BMP2K: variants seen among roughly 807,000 people sequenced by gnomAD.
BMP2K encodes the protein BMP2 inducible kinase, also known as BMP-2-inducible protein kinase.
Under a neutral mutation model 116.0 loss-of-function variants are expected in BMP2K, and 74 were observed. The ratio of observed to expected loss-of-function variants is 0.64; its 90% CI spans 0.53 to 0.77. The LOEUF is 0.77. Ranked by LOEUF, BMP2K falls within the 30% of genes least tolerant of loss-of-function variation. The probability of loss-of-function intolerance (pLI) is 0.00; values close to 1 mark genes in which losing one functional copy is unlikely to be tolerated. For missense variants in BMP2K, 1,365 were observed against 1,403.6 expected (o/e 0.97, Z 0.44); for synonymous variants, 486 against 502.5 (o/e 0.97, Z 0.44).
At chr4:78,820,246 T>C (rs1182683946) in intron 1 of BMP2K, among the ~76,000 whole-genome samples, 1 of 152,236 alleles carries the variant, frequency 6.6e-6, no homozygotes, top group Non-Finnish European at 1.5e-5. Context: ...TACACATTCA[T>C]CTATTGCTAT....
At chr4:78,867,112 C>T (rs921079856) in intron 10 of BMP2K, among the ~76,000 whole-genome samples, 2 of 149,404 alleles carry the variant, frequency 1.3e-5, no homozygotes, top group African/African-American at 5.0e-5. Context: ...ATGGAGATTG[C>T]AGTGAGCCAA....
intron 1 of BMP2K, among the ~76,000 whole-genome samples, chr4:78,802,568 G>A (rs545098998): frequency 3.9e-4 from 60 of 152,180 alleles, no homozygotes; most frequent in Admixed American, 3.1e-3. Flanking sequence ...TTAAGACCTG[G>A]AATGTTTATC....
Position 78,913,760 on chromosome 4 carries a change from C to A in BMP2K, c.*1727C>A, listed in dbSNP as rs1196121723. On this transcript the variant is annotated 3_prime_UTR_variant, in exon 16 of 16. Coordinates refer to ENST00000502613, the MANE Select transcript of BMP2K (RefSeq NM_198892.2). ...ATTGCTTTTTCCCTTCTTTTATATG[C>A]TAAATCAAATATAGATTTGTGGATA... The A allele has an allele frequency of 6.6e-6, 1 of 151,972 alleles. No homozygotes were observed. The highest frequency in any genetic ancestry group is 1.5e-5 in the Non-Finnish European group (1 of 67,968). 9.4% of individuals were successfully genotyped at this position (151,972 alleles called of 1,614,324 possible).
intron 4 of BMP2K, among the ~76,000 whole-genome samples, chr4:78,842,878 C>T (rs920052034): frequency 5.3e-5 from 8 of 151,994 alleles, no homozygotes; most frequent in Non-Finnish European, 1.2e-4. Context: ...AGCATTTCTC[C>T]TATTAACTGT....
intron 1 of BMP2K, among the ~76,000 whole-genome samples, chr4:78,823,548 A>G (rs1171845872): frequency 6.8e-6 from 1 of 147,632 alleles, no homozygotes; most frequent in Non-Finnish European, 1.5e-5. Context: ...TTATATATAT[A>G]GTTATATATA....
intron 3 of BMP2K, among the ~76,000 whole-genome samples, chr4:78,838,488 T>C (rs1730602432): frequency 6.6e-6 from 1 of 152,210 alleles, no homozygotes; most frequent in Admixed American, 6.5e-5. Context: ...ATTTTCTCAA[T>C]GGAGTATGCA....
chr4:78,871,752 A>C, intron 11 of BMP2K, 98 bp from the exon 12 acceptor site: 1 of 689,108 alleles, frequency 1.5e-6, no homozygotes, highest in Non-Finnish European at 2.5e-6. Flanking sequence ...TGTTTGGACT[A>C]CTGATTTCTC....
In BMP2K at chr4:78,911,130, C is replaced by T; in HGVS notation, c.2583C>T (p.Val861=). The change falls in exon 16 of 16, where the codon GTC becomes GTT. Residue 861 remains valine (V), a synonymous_variant. Transcript: ENST00000502613. ...AGGAGTTTGATGTATTTGGCGCTGTCCCCTTCTTTGCAGTGCGTGCTCAAC... is the reference window on the plus strand; with the variant it reads ...AGGAGTTTGATGTATTTGGCGCTGTTCCCTTCTTTGCAGTGCGTGCTCAAC... ...PKQEFDVFGA[V]PFFAVRAQQP... 1 of 1,613,976 alleles carries T rather than the reference C, an allele frequency of 6.2e-7. No individual in the cohort carries two copies. Among genetic ancestry groups the T allele is most frequent in the Non-Finnish European group, 8.5e-7 (1 of 1,179,880 alleles).
intron 10 of BMP2K, among the ~76,000 whole-genome samples, chr4:78,868,985 C>T (rs1004848216): frequency 1.9e-4 from 29 of 152,224 alleles, no homozygotes; most frequent in Non-Finnish European, 2.4e-4. Context: ...GGATGGTGGC[C>T]CTCTTCTCAC....
Position 78,776,386 on chromosome 4 carries a change from A to T in BMP2K, c.-158A>T. On this transcript the variant is annotated 5_prime_UTR_variant, in exon 1 of 16. Coordinates refer to ENST00000502613, the MANE Select transcript of BMP2K (RefSeq NM_198892.2). ...AGCCGCGGAGCGGGCGGCGGGGCCCAGGCTGTGCGCTTGGGGAGCGCGGAA... is the reference window on the plus strand; with the variant it reads ...AGCCGCGGAGCGGGCGGCGGGGCCCTGGCTGTGCGCTTGGGGAGCGCGGAA... The T allele has an allele frequency of 3.0e-6, 2 of 664,800 alleles. No individual in the cohort carries two copies. Among genetic ancestry groups the T allele is most frequent in the Non-Finnish European group, 3.9e-6 (2 of 518,934 alleles). The allele number at this position is 664,800 out of a possible 1,614,324, so 41.2% of individuals were successfully genotyped here.
intron 10 of BMP2K, among the ~76,000 whole-genome samples, chr4:78,867,446 A>C (rs1732110179): frequency 6.6e-6 from 1 of 152,178 alleles, no homozygotes; most frequent in African/African-American, 2.4e-5. Context: ...TGTGATTGCC[A>C]GGCCTAATCC....
chr4:78,824,571 A>T (rs1729781963), intron 1 of BMP2K, among the ~76,000 whole-genome samples: 1 of 152,136 alleles, frequency 6.6e-6, no homozygotes, highest in Non-Finnish European at 1.5e-5. Flanking sequence ...TGACGTGGGG[A>T]TTATTACAAT....
chr4:78,850,328 C>T (rs577359984), intron 6 of BMP2K, among the ~76,000 whole-genome samples: 1 of 151,826 alleles, frequency 6.6e-6, no homozygotes, highest in Non-Finnish European at 1.5e-5. Flanking sequence ...GAGCCTTTCC[C>T]TTTTGAATTT....
intron 1 of BMP2K, among the ~76,000 whole-genome samples, chr4:78,822,526 C>T (rs1016786716): frequency 1.3e-5 from 2 of 151,766 alleles, no homozygotes; most frequent in East Asian, 1.9e-4. Context: ...GATCAATATC[C>T]CAGTTTATTT....
rs576187621 is a variant in BMP2K, at chr4:78,913,070, T to C, written c.*1037T>C. 22 of 152,344 alleles carry C rather than the reference T, an allele frequency of 1.4e-4. No individual in the cohort carries two copies. Among genetic ancestry groups the C allele is most frequent in the African/African-American group, 4.8e-4 (20 of 41,578 alleles). 9.4% of individuals were successfully genotyped at this position (152,344 alleles called of 1,614,324 possible). ...TGTGAAATCATGTTGCATTTAACAATGTACTTTATTAGCAACTTCACCAAA... is the reference window on the plus strand; with the variant it reads ...TGTGAAATCATGTTGCATTTAACAACGTACTTTATTAGCAACTTCACCAAA... On this transcript the variant is annotated 3_prime_UTR_variant, in exon 16 of 16. Coordinates refer to ENST00000502613, the MANE Select transcript of BMP2K (RefSeq NM_198892.2).
intron 3 of BMP2K, among the ~76,000 whole-genome samples, chr4:78,834,263 A>ATTT (rs561686382): frequency 7.1e-6 from 1 of 141,798 alleles, no homozygotes; most frequent in African/African-American, 2.6e-5. Flanking sequence ...TGACATTTAA[A>ATTT]TTTTTTTTTT....
rs1560518859 is a variant in BMP2K at position 78,829,850 on chromosome 4, C to CTCTTCT, written c.297+3696_297+3697insCTTCTT. ...CTCTTCTCTTCTCTTCTCTTCTCTT[C>CTCTTCT]TTTTTTTCTTTTCTTTTCTTTTGAT... On this transcript the variant is annotated intron_variant, in intron 2 of 15. Transcript: ENST00000502613. 2.8e-5 allele frequency among the ~76,000 whole-genome samples: 4 copies of CTCTTCT among 141,034 alleles called. No individual in the cohort carries two copies. The South Asian group carries it at 6.7e-4, about 24-fold the overall frequency. The allele number at this position is 141,034 out of a possible 152,430, so 92.5% of individuals were successfully genotyped here.
At chr4:78,895,308 C>A (rs531241223) in intron 15 of BMP2K, among the ~76,000 whole-genome samples, 1 of 152,134 alleles carries the variant, frequency 6.6e-6, no homozygotes, top group Non-Finnish European at 1.5e-5. Context: ...TTACACTGAT[C>A]TTTTTAAAGC....
At chr4:78,878,203 G>GGAAT (rs1294927611) in intron 13 of BMP2K, among the ~76,000 whole-genome samples, 1 of 151,980 alleles carries the variant, frequency 6.6e-6, no homozygotes, top group Non-Finnish European at 1.5e-5. Flanking sequence ...CTATATATAG[G>GGAAT]GAATGCCTTT....
Sources: gnomAD v4.1 joint callset for allele counts (sites outside exome capture counted in the v4.1 genomes callset) on GRCh38, gnomAD v4.1.1 for gene constraint, MANE v1.5 for transcripts, NCBI Gene and HGNC (gene_info 2026-07-23, HGNC 2026-07-21) for gene names.